LDLRAD3: variants seen among roughly 807,000 people sequenced by gnomAD.
LDLRAD3 encodes the protein low-density lipoprotein receptor class A domain-containing protein 3.
In LDLRAD3, 20 loss-of-function variants were observed where a neutral mutation model predicts 29.4. The ratio of observed to expected loss-of-function variants is 0.68; its 90% CI spans 0.48 to 0.99. The LOEUF (loss-of-function observed/expected upper bound fraction) is 0.99, where lower values mean the gene tolerates loss of function less well. Ranked by LOEUF, LDLRAD3 falls within the 50% of genes least tolerant of loss-of-function variation. The pLI, the probability that LDLRAD3 is intolerant of heterozygous loss-of-function variation, is 0.00. For synonymous variants in LDLRAD3, 157 were observed against 192.7 expected (o/e 0.81, Z 1.53); for missense variants, 420 against 454.3 (o/e 0.92, Z 0.69).
chr11:36,014,470 G>C (rs1027501363), intron 1 of LDLRAD3, among the ~76,000 whole-genome samples: 1 of 152,202 alleles, frequency 6.6e-6, no homozygotes, highest in Non-Finnish European at 1.5e-5. Flanking sequence ...GATGTGCATG[G>C]TACCTGCAGT....
chr11:36,110,928 G>A (rs1270825321), intron 4 of LDLRAD3, among the ~76,000 whole-genome samples: 1 of 152,172 alleles, frequency 6.6e-6, no homozygotes, highest in Non-Finnish European at 1.5e-5. Flanking sequence ...ACATAAAAAT[G>A]GACCTGAAAA....
chr11:36,162,282 A>T (rs1854451938), intron 4 of LDLRAD3, among the ~76,000 whole-genome samples: 1 of 152,174 alleles, frequency 6.6e-6, no homozygotes. Context: ...AAGAATTGGG[A>T]TATCAGTCAC....
At chr11:36,183,019 A>G (rs1020315712) in intron 4 of LDLRAD3, among the ~76,000 whole-genome samples, 5 of 152,242 alleles carry the variant, frequency 3.3e-5, no homozygotes, top group African/African-American at 1.2e-4. Flanking sequence ...AAGGGGGCCT[A>G]TCCAGTTGGG....
chr11:36,214,743 C>T (rs911448491), intron 4 of LDLRAD3, among the ~76,000 whole-genome samples: 1 of 152,296 alleles, frequency 6.6e-6, no homozygotes, highest in East Asian at 1.9e-4. Context: ...CCTCACTTCT[C>T]TCAGTCTTCT....
At chr11:35,974,121 C>G (rs1201824280) in intron 1 of LDLRAD3, among the ~76,000 whole-genome samples, 2 of 152,148 alleles carry the variant, frequency 1.3e-5, no homozygotes, top group Non-Finnish European at 2.9e-5. Context: ...TATATTTTCT[C>G]TCTTAATCAG....
chr11:36,000,288 CAT>C (rs1423546641), intron 1 of LDLRAD3, among the ~76,000 whole-genome samples: 5 of 148,772 alleles, frequency 3.4e-5, no homozygotes, highest in African/African-American at 7.4e-5. Flanking sequence ...TAATATATAA[CAT>C]ATATAATATA....
At chr11:36,184,299 A>C (rs1854813651) in intron 4 of LDLRAD3, among the ~76,000 whole-genome samples, 1 of 152,182 alleles carries the variant, frequency 6.6e-6, no homozygotes, top group Non-Finnish European at 1.5e-5. Flanking sequence ...TCTTCCCTGC[A>C]GATGGACATA....
Position 36,128,201 on chromosome 11 carries a change from T to C in LDLRAD3, c.454+29740T>C, listed in dbSNP as rs1384253250. Among the ~76,000 whole-genome samples, 6 of 149,704 alleles carry C rather than the reference T, an allele frequency of 4.0e-5. No individual in the cohort carries two copies. The East Asian group carries it at 1.2e-3, about 30-fold the overall frequency. On this transcript the variant is annotated intron_variant, in intron 4 of 5. Coordinates refer to ENST00000315571, the MANE Select transcript of LDLRAD3 (RefSeq NM_174902.4). ...AAAGATGAAGAATTAATTCCCTGTT[T>C]GTTTGTAATACTGTGTGTAGGCAAA...
At chr11:36,193,730 G>T (rs1474669662) in intron 4 of LDLRAD3, among the ~76,000 whole-genome samples, 2 of 152,008 alleles carry the variant, frequency 1.3e-5, no homozygotes, top group Non-Finnish European at 2.9e-5. Flanking sequence ...ATTCCTTTAT[G>T]CCTTGTCTTA....
intron 2 of LDLRAD3, among the ~76,000 whole-genome samples, chr11:36,075,538 A>G (rs984332531): frequency 6.6e-6 from 1 of 152,208 alleles, no homozygotes; most frequent in African/African-American, 2.4e-5. Context: ...AATTAATAAC[A>G]TATTGCGGAA....
chr11:36,009,952 T>C (rs556658645), intron 1 of LDLRAD3: 7 of 153,038 alleles, frequency 4.6e-5, no homozygotes, highest in African/African-American at 1.7e-4. Context: ...CTTGTTGTCT[T>C]TGGGGTTTTG....
At chr11:36,182,776 G>T (rs1419738537) in intron 4 of LDLRAD3, among the ~76,000 whole-genome samples, 1 of 152,214 alleles carries the variant, frequency 6.6e-6, no homozygotes, top group Non-Finnish European at 1.5e-5. Flanking sequence ...AGACCATGAT[G>T]ACAAACCACA....
At chr11:35,982,896 C>T (rs1037667283) in intron 1 of LDLRAD3, among the ~76,000 whole-genome samples, 1 of 135,362 alleles carries the variant, frequency 7.4e-6, no homozygotes, top group Non-Finnish European at 1.5e-5. Flanking sequence ...CTCTGTCGTC[C>T]AAGCTGCAGT....
intron 1 of LDLRAD3, among the ~76,000 whole-genome samples, chr11:36,000,250 A>T (rs962765349): frequency 1.3e-5 from 2 of 149,214 alleles, no homozygotes; most frequent in Non-Finnish European, 3.0e-5. Flanking sequence ...TACATGCTAT[A>T]TACTATATAG....
chr11:36,218,758 T>C (rs146252641), intron 4 of LDLRAD3, among the ~76,000 whole-genome samples: 70 of 152,326 alleles, frequency 4.6e-4, no homozygotes, highest in African/African-American at 1.7e-3. Flanking sequence ...GCCCCTCCCC[T>C]CATGACCCTC....
At chr11:36,199,585 A>ACGCACG (rs1554973189) in intron 4 of LDLRAD3, among the ~76,000 whole-genome samples, 9 of 150,354 alleles carry the variant, frequency 6.0e-5, no homozygotes, top group African/African-American at 1.8e-4. Flanking sequence ...ACACACACAC[A>ACGCACG]CACGCACGCA....
At chr11:36,123,819 A>G (rs1285361410) in intron 4 of LDLRAD3, among the ~76,000 whole-genome samples, 1 of 152,224 alleles carries the variant, frequency 6.6e-6, no homozygotes, top group African/African-American at 2.4e-5. Flanking sequence ...GGACTCCTAA[A>G]GTCCGGCTGT....
intron 4 of LDLRAD3, among the ~76,000 whole-genome samples, chr11:36,138,320 C>T (rs1175730015): frequency 6.6e-6 from 1 of 152,220 alleles, no homozygotes; most frequent in Non-Finnish European, 1.5e-5. Context: ...GTGTGTCGTG[C>T]CTAGCACAGT....
intron 1 of LDLRAD3, among the ~76,000 whole-genome samples, chr11:36,030,445 T>A (rs1328867448): frequency 7.9e-6 from 1 of 126,872 alleles, no homozygotes; most frequent in Non-Finnish European, 1.6e-5. Flanking sequence ...AGTGTGTGTG[T>A]GTGTGTGTGT....
Sources: allele counts gnomAD v4.1 joint callset (sites outside exome capture counted in the v4.1 genomes callset), GRCh38; gene constraint gnomAD v4.1.1; transcripts MANE v1.5; gene names NCBI Gene and HGNC (gene_info 2026-07-23, HGNC 2026-07-21).